Variants in FMN1 observed in about 807,000 individuals in gnomAD.
The protein encoded by FMN1 is formin-1.
A neutral mutation model predicts 132.4 loss-of-function variants in FMN1; 110 were observed. The ratio of observed to expected loss-of-function variants is 0.83; its 90% confidence interval spans 0.71 to 0.97. The LOEUF (loss-of-function observed/expected upper bound fraction) is 0.97, where lower values mean the gene tolerates loss of function less well. FMN1 is among the 50% of genes least tolerant of loss of function. The probability of loss-of-function intolerance (pLI) is 0.00; values close to 1 mark genes in which losing one functional copy is unlikely to be tolerated. For missense variants in FMN1, 1,792 were observed against 1,705.3 expected, an observed-to-expected ratio of 1.05 and a Z score of -0.90; for synonymous variants, 722 against 651.7, an observed-to-expected ratio of 1.11 and a Z score of -1.64.
chr15:33,082,091 CAA>C (rs1491193499), intron 5 of FMN1, among the ~76,000 whole-genome samples: 8 of 76,112 alleles, frequency 1.1e-4, no homozygotes, highest in African/African-American at 4.9e-4. Flanking sequence ...GGCTGGAAAA[CAA>C]TGTGTGTGTG....
chr15:33,137,087 C>CAAAAA (rs3082373), intron 4 of FMN1, among the ~76,000 whole-genome samples: 1 of 52,424 alleles, frequency 1.9e-5, no homozygotes, highest in African/African-American at 7.8e-5. Context: ...GACCCCGTCT[C>CAAAAA]AAAAAAAAAA....
chr15:32,843,603 A>T (rs944045650), intron 17 of FMN1, among the ~76,000 whole-genome samples: 3 of 152,210 alleles, frequency 2.0e-5, no homozygotes, highest in Non-Finnish European at 1.5e-5. Context: ...CTCCCCTAGA[A>T]TTACTATATT....
chr15:32,865,875 C>G (rs2059381187), intron 16 of FMN1, among the ~76,000 whole-genome samples: 1 of 151,102 alleles, frequency 6.6e-6, no homozygotes, highest in Non-Finnish European at 1.5e-5. Flanking sequence ...AAAATACCTA[C>G]TAAAAATAAC....
chr15:32,868,588 A>C (rs2059446216), intron 16 of FMN1, among the ~76,000 whole-genome samples: 1 of 152,246 alleles, frequency 6.6e-6, no homozygotes, highest in African/African-American at 2.4e-5. Context: ...ATATGTAGAC[A>C]CAGACATATG....
intron 6 of FMN1, among the ~76,000 whole-genome samples, chr15:33,057,620 C>T (rs1427067896): frequency 1.3e-5 from 2 of 152,170 alleles, no homozygotes; most frequent in African/African-American, 4.8e-5. Flanking sequence ...AACCCATGAA[C>T]CCCTGCAGTA....
chr15:32,777,248 C>CT (rs1255735491), intron 19 of FMN1, among the ~76,000 whole-genome samples: 1 of 151,868 alleles, frequency 6.6e-6, no homozygotes, highest in African/African-American at 2.4e-5. Context: ...TTGTGATCCA[C>CT]TTAGCAGATA....
chr15:32,887,122 G>A (rs953246895), intron 16 of FMN1, among the ~76,000 whole-genome samples: 1 of 152,140 alleles, frequency 6.6e-6, no homozygotes, highest in Non-Finnish European at 1.5e-5. Flanking sequence ...GCCACCGGGA[G>A]CAGATCTTTC....
chr15:33,011,428 C>T (rs1452255011), intron 6 of FMN1, among the ~76,000 whole-genome samples: 1 of 151,812 alleles, frequency 6.6e-6, no homozygotes, highest in Non-Finnish European at 1.5e-5. Flanking sequence ...CAATTAAGTG[C>T]TAAACTGTAA....
intron 20 of FMN1, among the ~76,000 whole-genome samples, chr15:32,775,168 T>C (rs913608251): frequency 2.0e-5 from 3 of 152,174 alleles, no homozygotes; most frequent in Admixed American, 1.3e-4. Context: ...CTATGAGATA[T>C]GATGTTGCAG....
intron 12 of FMN1, among the ~76,000 whole-genome samples, chr15:32,905,108 T>C (rs1481588671): frequency 6.6e-6 from 1 of 152,214 alleles, no homozygotes; most frequent in Non-Finnish European, 1.5e-5. Flanking sequence ...TGTAGGCTAA[T>C]ACTTCTAGGA....
At chr15:33,082,093 A>ATATG (rs546588614) in intron 5 of FMN1, among the ~76,000 whole-genome samples, 1 of 120,334 alleles carries the variant, frequency 8.3e-6, no homozygotes, top group African/African-American at 3.5e-5. Context: ...CTGGAAAACA[A>ATATG]TGTGTGTGTG....
At chr15:33,034,417 TA>T (rs898006968) in intron 6 of FMN1, among the ~76,000 whole-genome samples, 4 of 149,074 alleles carry the variant, frequency 2.7e-5, no homozygotes, top group South Asian at 4.3e-4. Context: ...CTACTAAAAG[TA>T]AAAAAAAAAT....
intron 7 of FMN1, among the ~76,000 whole-genome samples, chr15:32,996,763 A>C (rs768341614): frequency 1.3e-5 from 2 of 152,154 alleles, no homozygotes; most frequent in Non-Finnish European, 2.9e-5. Flanking sequence ...TCACACTATG[A>C]ATTCCAAAGT....
rs188477989 is a variant in FMN1, at chr15:32,987,550, G to C, written c.2224-18073C>G. Reference sequence around the variant, plus strand: ...ACACAACATATGAAACTGATTAGGAGGACTGAGGTGTTTGAAAGAAAAAAA... The same window carrying C: ...ACACAACATATGAAACTGATTAGGACGACTGAGGTGTTTGAAAGAAAAAAA... On this transcript the variant is annotated intron_variant, in intron 7 of 20. Coordinates refer to ENST00000616417, the MANE Select transcript of FMN1 (RefSeq NM_001277313.2). Among the ~76,000 whole-genome samples, 9 of 152,158 alleles carry C rather than the reference G, an allele frequency of 5.9e-5. 1 individual carries two copies. The South Asian group carries it at 1.2e-3, about 21-fold the overall frequency.
rs1039976795 is a variant in FMN1 at position 33,194,338 on chromosome 15, A to T, written c.-349+240T>A. On this transcript the variant is annotated intron_variant, in intron 1 of 20. Transcript: ENST00000616417. ...CTGGGACCTGAGAGTCAACGACAGG[A>T]GTTCTGTAGTGAGGAGCGTTGGGAT... Among the ~76,000 whole-genome samples the T allele has an allele frequency of 4.4e-5, 6 of 135,638 alleles. No individual in the cohort carries two copies. The Admixed American group carries it at 5.0e-4, about 11-fold the overall frequency. 89.0% of individuals were successfully genotyped at this position (135,638 alleles called of 152,430 possible).
chr15:33,113,199 T>C (rs1402487216), intron 4 of FMN1, among the ~76,000 whole-genome samples: 1 of 152,144 alleles, frequency 6.6e-6, no homozygotes. Flanking sequence ...GATCATTTGT[T>C]AGGGGGTTGC....
chr15:33,048,478 T>A (rs2036793383), intron 6 of FMN1, among the ~76,000 whole-genome samples: 1 of 151,540 alleles, frequency 6.6e-6, no homozygotes, highest in African/African-American at 2.4e-5. Flanking sequence ...GAAAGGATAT[T>A]TATGCACTAA....
At position 32,774,226 on chromosome 15, in the gene FMN1, G is replaced by C; in HGVS notation, c.*84C>G. On this transcript the variant is annotated 3_prime_UTR_variant, in exon 21 of 21. Transcript: ENST00000616417. ...AAACATTTAGTGACACATCTTTCAA[G>C]AACGTCCTGCAACCCTGTGGTCACA... 9.4e-7 allele frequency: 1 copy of C among 1,066,638 alleles called. No homozygotes were observed. Among genetic ancestry groups the C allele is most frequent in the Non-Finnish European group, 1.4e-6 (1 of 712,916 alleles). 66.1% of individuals were successfully genotyped at this position (1,066,638 alleles called of 1,614,324 possible).
intron 4 of FMN1, among the ~76,000 whole-genome samples, chr15:33,147,824 C>A (rs1221766385): frequency 6.6e-6 from 1 of 152,098 alleles, no homozygotes; most frequent in Non-Finnish European, 1.5e-5. Context: ...TATTTGAGAT[C>A]ATTGGAAAAG....
Sources: gnomAD v4.1 joint callset for allele counts (sites outside exome capture counted in the v4.1 genomes callset) on GRCh38, gnomAD v4.1.1 for gene constraint, MANE v1.5 for transcripts, NCBI Gene and HGNC (gene_info 2026-07-23, HGNC 2026-07-21) for gene names.